ATE1: variants seen among roughly 807,000 people sequenced by gnomAD.
ATE1 encodes the protein arginyltransferase 1, also known as arginyl-tRNA--protein transferase 1.
In ATE1, 36 loss-of-function variants were observed where a neutral mutation model predicts 70.5. The ratio of observed to expected loss-of-function variants is 0.51; its 90% CI spans 0.39 to 0.67. The LOEUF (loss-of-function observed/expected upper bound fraction) is 0.67. ATE1 is among the 30% of genes least tolerant of loss of function. The pLI, the probability that ATE1 is intolerant of heterozygous loss-of-function variation, is 0.00. For missense variants in ATE1, 593 were observed against 629.5 expected (o/e 0.94, Z 0.62); for synonymous variants, 232 against 219.3 (o/e 1.06, Z -0.51).
intron 11 of ATE1, among the ~76,000 whole-genome samples, chr10:121,787,267 C>T (rs749047174): frequency 5.3e-5 from 8 of 152,160 alleles, no homozygotes; most frequent in Admixed American, 1.3e-4. Flanking sequence ...ACCATGCTGA[C>T]GAACAACAAT....
intron 8 of ATE1, among the ~76,000 whole-genome samples, chr10:121,859,752 G>A (rs1387520427): frequency 6.6e-6 from 1 of 151,682 alleles, no homozygotes; most frequent in Non-Finnish European, 1.5e-5. Flanking sequence ...GACCAACCTG[G>A]CCCACATGGT....
At chr10:121,864,316 C>G (rs1949583100) in intron 8 of ATE1, among the ~76,000 whole-genome samples, 1 of 152,328 alleles carries the variant, frequency 6.6e-6, no homozygotes, top group Middle Eastern at 3.4e-3. Flanking sequence ...CACAACCCAG[C>G]TCCCTCACAT....
rs578035651 is a variant in ATE1 at position 121,762,950 on chromosome 10, C to T, written c.1379-19092G>A. On this transcript the variant is annotated intron_variant, in intron 11 of 11. Transcript: ENST00000224652. The stretch of plus-strand genomic sequence containing the variant: ...AAATTGATTTCATTATACATTAGTT[C>T]GCTTAAAGTCACCTTTTCCAAGAAC... Among the ~76,000 whole-genome samples, 391 of 152,196 alleles carry T rather than the reference C, an allele frequency of 2.6e-3. 3 individuals are homozygous for T. The highest frequency in any genetic ancestry group is 9.2e-3 in the African/African-American group (381 of 41,514).
In ATE1 at chr10:121,869,294, C is replaced by T. The variant is rs140058549; in HGVS notation, c.975+712G>A. Reference sequence around the variant, plus strand: ...TCTTACCCGGTTTCGGTTCTAAGTCCCACCACTTCTTCACATAACTCTGCT... The same window carrying T: ...TCTTACCCGGTTTCGGTTCTAAGTCTCACCACTTCTTCACATAACTCTGCT... On this transcript the variant is annotated intron_variant, in intron 8 of 11. Coordinates refer to ENST00000224652, the MANE Select transcript of ATE1 (RefSeq NM_001001976.3). 7.4e-3 allele frequency among the ~76,000 whole-genome samples: 1,125 copies of T among 152,310 alleles called. 15 individuals carry two copies. Among genetic ancestry groups the T allele is most frequent in the Non-Finnish European group, 0.012 (831 of 68,024 alleles).
chr10:121,920,233 C>A (rs1951824709), intron 3 of ATE1, among the ~76,000 whole-genome samples: 1 of 151,974 alleles, frequency 6.6e-6, no homozygotes, highest in Non-Finnish European at 1.5e-5. Flanking sequence ...CACCTATAAT[C>A]CCAGCACTTT....
rs556329034 is a variant in ATE1, at chr10:121,762,126, T to A, written c.1379-18268A>T. Reference sequence around the variant, plus strand: ...TCTTCGTCACCTTCAGCAAAGCGTATCAGAAAACCAGGTCATCCTCCTTGA... The same window carrying A: ...TCTTCGTCACCTTCAGCAAAGCGTAACAGAAAACCAGGTCATCCTCCTTGA... On this transcript the variant is annotated intron_variant, in intron 11 of 11. Coordinates refer to ENST00000224652, the MANE Select transcript of ATE1 (RefSeq NM_001001976.3). Among the ~76,000 whole-genome samples the A allele has an allele frequency of 2.6e-5, 4 of 152,328 alleles. No individual in the cohort carries two copies. In the South Asian group the frequency reaches 8.3e-4, roughly 32 times the overall value.
intron 10 of ATE1, among the ~76,000 whole-genome samples, chr10:121,806,810 G>A (rs1947116229): frequency 6.6e-6 from 1 of 152,170 alleles, no homozygotes; most frequent in South Asian, 2.1e-4. Context: ...GTTAACTGGT[G>A]ACTTCAGGTG....
chr10:121,869,903 C>T (rs995255310), intron 8 of ATE1, 103 bp downstream of exon 8: 5 of 1,119,574 alleles, frequency 4.5e-6, no homozygotes, highest in Middle Eastern at 2.1e-4. Flanking sequence ...TGTGTCCCAC[C>T]AAAATGAGCA....
At chr10:121,802,073 A>T (rs752686322) in intron 10 of ATE1, among the ~76,000 whole-genome samples, 30 of 152,188 alleles carry the variant, frequency 2.0e-4, no homozygotes, top group Non-Finnish European at 2.2e-4. Flanking sequence ...TGTTTGTAAA[A>T]TAATAATAGT....
At chr10:121,769,197 C>CAT (rs1945400445) in intron 11 of ATE1, among the ~76,000 whole-genome samples, 1 of 151,930 alleles carries the variant, frequency 6.6e-6, no homozygotes, top group Non-Finnish European at 1.5e-5. Flanking sequence ...GGAGGACTGA[C>CAT]ATATAAATAC....
At chr10:121,847,488 C>T (rs1223707264) in intron 8 of ATE1, among the ~76,000 whole-genome samples, 2 of 150,108 alleles carry the variant, frequency 1.3e-5, no homozygotes, top group East Asian at 2.0e-4. Context: ...AGGCCAGGCG[C>T]GGTAGCTCAT....
At chr10:121,890,664 A>G (rs963387480) in intron 7 of ATE1, among the ~76,000 whole-genome samples, 2 of 152,222 alleles carry the variant, frequency 1.3e-5, no homozygotes, top group Admixed American at 6.5e-5. Flanking sequence ...GGTCAACTCT[A>G]TTCTAGGAAA....
chr10:121,908,014 T>C (rs1396903854), intron 5 of ATE1, among the ~76,000 whole-genome samples: 1 of 151,982 alleles, frequency 6.6e-6, no homozygotes, highest in African/African-American at 2.4e-5. Flanking sequence ...TGCCAAATAG[T>C]AAGGAAGCTG....
chr10:121,781,658 G>A (rs1247537950), intron 11 of ATE1, among the ~76,000 whole-genome samples: 2 of 152,156 alleles, frequency 1.3e-5, no homozygotes, highest in African/African-American at 4.8e-5. Context: ...TCTGCTTTTG[G>A]AGAGAAACTA....
chr10:121,787,157 C>G (rs1255818341), intron 11 of ATE1, among the ~76,000 whole-genome samples: 2 of 152,192 alleles, frequency 1.3e-5, no homozygotes, highest in Non-Finnish European at 2.9e-5. Context: ...CTTGAAGCCA[C>G]AGTTGGTTTA....
intron 10 of ATE1, among the ~76,000 whole-genome samples, chr10:121,818,752 A>G (rs1363234138): frequency 6.6e-6 from 1 of 152,218 alleles, no homozygotes; most frequent in Non-Finnish European, 1.5e-5. Flanking sequence ...AAACTTGTTT[A>G]ACAAGAGAAG....
intron 10 of ATE1, among the ~76,000 whole-genome samples, chr10:121,802,314 CT>C (rs11354853): frequency 0.62 from 90,072 of 146,370 alleles, 27,373 homozygotes; most frequent in South Asian, 0.68. Flanking sequence ...GTCTACTCCA[CT>C]TTTTTTTTTT....
chr10:121,848,284 G>GTTCA (rs59186969), intron 8 of ATE1, among the ~76,000 whole-genome samples: 84,025 of 150,034 alleles, frequency 0.56, 27,108 homozygotes, highest in South Asian at 0.75. Context: ...TCTAATGTGC[G>GTTCA]TTCATTCATT....
intron 10 of ATE1, among the ~76,000 whole-genome samples, chr10:121,819,048 A>G (rs991151674): frequency 1.3e-5 from 2 of 152,246 alleles, no homozygotes; most frequent in African/African-American, 4.8e-5. Flanking sequence ...TGTTTCTATG[A>G]TAAACTTCAA....
Sources: gnomAD v4.1 joint callset for allele counts (sites outside exome capture counted in the v4.1 genomes callset) on GRCh38, gnomAD v4.1.1 for gene constraint, MANE v1.5 for transcripts, NCBI Gene and HGNC (gene_info 2026-07-23, HGNC 2026-07-21) for gene names.